RIC1: variants seen among roughly 807,000 people sequenced by gnomAD.
RIC1 encodes RIC1 partner of RAB6A GEF complex.
Under a neutral mutation model 169.0 loss-of-function variants are expected in RIC1, and 88 were observed. That is an observed-to-expected ratio of 0.52 (90% CI 0.44 to 0.62). RIC1 has a LOEUF of 0.62. RIC1 is among the 20% of genes least tolerant of loss of function. The probability of loss-of-function intolerance (pLI) is 0.00; values close to 1 mark genes in which losing one functional copy is unlikely to be tolerated. For missense variants in RIC1, 1,877 were observed against 1,725.5 expected (o/e 1.09, Z -1.56); for synonymous variants, 790 against 601.5 (o/e 1.31, Z -4.59).
chr9:5,754,801 G>A (rs371741326), intron 14 of RIC1, 40 bp from the exon 15 acceptor site: 54 of 1,159,310 alleles, frequency 4.7e-5, no homozygotes, highest in Non-Finnish European at 6.5e-5. Flanking sequence ...ATAATTTCTG[G>A]TAGCATAAGG....
intron 2 of RIC1, among the ~76,000 whole-genome samples, chr9:5,658,537 A>C (rs183972274): frequency 1.3e-5 from 2 of 152,126 alleles, no homozygotes. Flanking sequence ...AATGACCTGC[A>C]GAACAATTCC....
intron 2 of RIC1, among the ~76,000 whole-genome samples, chr9:5,670,986 C>T (rs999924241): frequency 1.1e-4 from 16 of 152,096 alleles, no homozygotes; most frequent in Non-Finnish European, 2.4e-4. Context: ...GTGGAGCCCT[C>T]CGCCGTCAGA....
At chr9:5,636,146 G>A (rs184810784) in intron 1 of RIC1, among the ~76,000 whole-genome samples, 7 of 152,294 alleles carry the variant, frequency 4.6e-5, no homozygotes, top group Admixed American at 4.6e-4. Flanking sequence ...GGTTTGGATA[G>A]TAGGGACATT....
intron 2 of RIC1, among the ~76,000 whole-genome samples, chr9:5,663,050 A>T: frequency 6.6e-6 from 1 of 152,134 alleles, no homozygotes; most frequent in East Asian, 1.9e-4. Context: ...CATTAGTTTC[A>T]AAGGACTTCT....
At chr9:5,765,881 T>G in intron 21 of RIC1, 83 bp downstream of exon 21, 1 of 1,490,564 alleles carries the variant, frequency 6.7e-7, no homozygotes, top group East Asian at 2.3e-5. Context: ...TAGGTCTTAA[T>G]GGAAACAACT....
chr9:5,693,385 C>T (rs970862900), intron 3 of RIC1, among the ~76,000 whole-genome samples: 1 of 152,082 alleles, frequency 6.6e-6, no homozygotes, highest in African/African-American at 2.4e-5. Context: ...TTCCTAGTTT[C>T]CACCTAGTGT....
intron 8 of RIC1, 68 bp downstream of exon 8, chr9:5,738,606 G>C (rs1254546150): frequency 1.1e-6 from 1 of 952,170 alleles, no homozygotes; most frequent in Non-Finnish European, 1.5e-6. Context: ...TGTAGCAGAT[G>C]CTGATTTTAA....
chr9:5,745,213 A>T (rs1022627116), intron 10 of RIC1, among the ~76,000 whole-genome samples: 1 of 152,156 alleles, frequency 6.6e-6, no homozygotes, highest in African/African-American at 2.4e-5. Flanking sequence ...TATCATAGGA[A>T]AACATAAAAG....
At chr9:5,678,271 A>G (rs1362803835) in intron 2 of RIC1, among the ~76,000 whole-genome samples, 1 of 152,110 alleles carries the variant, frequency 6.6e-6, no homozygotes, top group Non-Finnish European at 1.5e-5. Flanking sequence ...GCTTGGTTTC[A>G]AGTGTTTGCT....
Position 5,765,725 on chromosome 9 carries a change from G to T in RIC1, c.3064G>T (p.Ala1022Ser). 1 of 1,614,166 alleles carries T rather than the reference G, an allele frequency of 6.2e-7. No homozygotes were observed. The highest frequency in any genetic ancestry group is 8.5e-7 in the Non-Finnish European group (1 of 1,180,016). Residue 1022 changes from alanine to serine, a missense_variant, in exon 21 of 26, where the codon GCT becomes TCT. Around this residue, in one of 3 missense-constraint regions of RIC1, gnomAD observed 681 missense variants for 582.0 expected, o/e 1.17. Coordinates refer to ENST00000414202, the MANE Select transcript of RIC1 (RefSeq NM_020829.4). ...RNRSISLSQS[A>S]ENVPASKFSL... ...TCGAAGCATCAGTTTATCCCAGTCA[G>T]CTGAAAATGTTCCTGCCAGTAAATT...
At chr9:5,704,227 T>A (rs1313385686) in intron 3 of RIC1, among the ~76,000 whole-genome samples, 2 of 151,896 alleles carry the variant, frequency 1.3e-5, no homozygotes, top group South Asian at 2.1e-4. Flanking sequence ...TTTTTTTTTT[T>A]ATTTTTTTAA....
chr9:5,738,403 TG>T (rs747935931), intron 7 of RIC1, 46 bp from the exon 8 acceptor site: 2 of 1,285,490 alleles, frequency 1.6e-6, no homozygotes, highest in East Asian at 2.3e-5. Context: ...TTTTTCTATT[TG>T]TATTTGTCTT....
At chr9:5,687,881 C>G (rs990321798) in intron 2 of RIC1, among the ~76,000 whole-genome samples, 1 of 152,092 alleles carries the variant, frequency 6.6e-6, no homozygotes, top group Non-Finnish European at 1.5e-5. Flanking sequence ...AGTTGTTCCT[C>G]AATTCACTGA....
chr9:5,685,435 T>C (rs371268928), intron 2 of RIC1, among the ~76,000 whole-genome samples: 7 of 149,898 alleles, frequency 4.7e-5, no homozygotes, highest in Non-Finnish European at 1.0e-4. Flanking sequence ...GAGATATAGA[T>C]CAATGGAACA....
chr9:5,640,611 T>C (rs1818192820), intron 1 of RIC1, among the ~76,000 whole-genome samples: 1 of 152,224 alleles, frequency 6.6e-6, no homozygotes, highest in Non-Finnish European at 1.5e-5. Context: ...AATAAGAGTG[T>C]AATTGTGCTG....
At chr9:5,668,331 G>T (rs1819902460) in intron 2 of RIC1, among the ~76,000 whole-genome samples, 1 of 152,178 alleles carries the variant, frequency 6.6e-6, no homozygotes, top group Non-Finnish European at 1.5e-5. Flanking sequence ...TTGATAAGCT[G>T]CTTCTCTGTT....
At chr9:5,696,895 C>G (rs573189462) in intron 3 of RIC1, among the ~76,000 whole-genome samples, 20 of 152,108 alleles carry the variant, frequency 1.3e-4, no homozygotes, top group Non-Finnish European at 2.8e-4. Context: ...TCTTTTGAGG[C>G]TTTTTGTATG....
At chr9:5,677,804 T>C (rs1028453361) in intron 2 of RIC1, among the ~76,000 whole-genome samples, 1 of 152,166 alleles carries the variant, frequency 6.6e-6, no homozygotes, top group Non-Finnish European at 1.5e-5. Flanking sequence ...TTGAAAAAAC[T>C]TCCACTGAAC....
intron 4 of RIC1, among the ~76,000 whole-genome samples, chr9:5,715,936 C>G (rs1419039252): frequency 6.6e-6 from 1 of 152,026 alleles, no homozygotes; most frequent in African/African-American, 2.4e-5. Flanking sequence ...CAGCCTCAGC[C>G]TCCTGGGCTC....
Sources: gnomAD v4.1 joint callset for allele counts (sites outside exome capture counted in the v4.1 genomes callset) on GRCh38, gnomAD v4.1.1 for gene constraint, gnomAD v4.1.1 regional missense constraint, MANE v1.5 for transcripts, NCBI Gene and HGNC (gene_info 2026-07-23, HGNC 2026-07-21) for gene names.